Variants in PIP5K1A observed in about 807,000 individuals in gnomAD.
PIP5K1A encodes phosphatidylinositol-4-phosphate 5-kinase type 1 alpha.
In PIP5K1A, 46 loss-of-function variants were observed where a neutral mutation model predicts 72.9. The observed-to-expected ratio is 0.63, with a 90% confidence interval of 0.50 to 0.81. The LOEUF (loss-of-function observed/expected upper bound fraction) is 0.81. Among genes scored for constraint, PIP5K1A ranks in the 30% least tolerant of loss-of-function variants. The pLI, the probability that PIP5K1A is intolerant of heterozygous loss-of-function variation, is 0.00. For synonymous variants in PIP5K1A, 228 were observed against 255.1 expected, an observed-to-expected ratio of 0.89 and a Z score of 1.01; for missense variants, 458 against 706.1, an observed-to-expected ratio of 0.65 and a Z score of 3.98.
At chr1:151,224,637 A>C (rs1250154094) in intron 3 of PIP5K1A, among the ~76,000 whole-genome samples, 1 of 152,200 alleles carries the variant, frequency 6.6e-6, no homozygotes, top group Admixed American at 6.6e-5. Context: ...CATAGTTACT[A>C]AGTGGGATTA....
intron 1 of PIP5K1A, among the ~76,000 whole-genome samples, chr1:151,219,879 T>TG (rs1396975147): frequency 9.3e-5 from 12 of 129,216 alleles, no homozygotes; most frequent in South Asian, 2.4e-4. Flanking sequence ...TTTGCCGAGA[T>TG]GGGGTCTCCC....
intron 1 of PIP5K1A, among the ~76,000 whole-genome samples, chr1:151,203,759 G>C (rs1374325904): frequency 3.3e-5 from 5 of 151,692 alleles, no homozygotes; most frequent in African/African-American, 4.8e-5. Context: ...AGGAGGCGCG[G>C]GTTGCAGTGA....
At chr1:151,222,894 C>A (rs904844251) in intron 1 of PIP5K1A, among the ~76,000 whole-genome samples, 2 of 152,134 alleles carry the variant, frequency 1.3e-5, no homozygotes, top group Admixed American at 6.6e-5. Context: ...AAAATTAAAC[C>A]TTGCTGTGAG....
intron 1 of PIP5K1A, among the ~76,000 whole-genome samples, chr1:151,223,720 G>A (rs111362625): frequency 7.2e-5 from 11 of 151,936 alleles, no homozygotes; most frequent in African/African-American, 2.4e-4. Context: ...AGGTGCGGTG[G>A]CTCTTGCTTG....
chr1:151,244,812 AC>A (rs1692262390), intron 14 of PIP5K1A, among the ~76,000 whole-genome samples: 1 of 152,208 alleles, frequency 6.6e-6, no homozygotes, highest in East Asian at 1.9e-4. Flanking sequence ...GGATGACTAT[AC>A]TCTGAACCAA....
Position 151,234,314 on chromosome 1 carries a change from A to G in PIP5K1A, c.757A>G (p.Lys253Glu). ...GAACAATCTTTTACCAAGATCGGTA[A>G]AAATGCATATCAAATATGACCTCAA... ...VMNNLLPRSV[K>E]MHIKYDLKGS... is the part of the protein sequence containing the mutation. The change falls in exon 8 of 16, where the codon AAA (lysine) becomes GAA (glutamate). Residue 253 changes from lysine to glutamate, a missense_variant. Physicochemically the swap from Lys to Glu is moderately conservative, Grantham distance 56. Transcript: ENST00000368888. 6.2e-7 allele frequency: 1 copy of G among 1,614,088 alleles called. No homozygotes were observed. The highest frequency in any genetic ancestry group is 1.6e-4 in the Middle Eastern group (1 of 6,062).
intron 14 of PIP5K1A, among the ~76,000 whole-genome samples, chr1:151,244,740 G>C (rs1692249259): frequency 1.3e-5 from 2 of 152,182 alleles, no homozygotes; most frequent in Admixed American, 1.3e-4. Context: ...TAAGGGACTT[G>C]TGCATTGTGG....
At chr1:151,199,163 G>T (rs773779104) in intron 1 of PIP5K1A, 82 bp downstream of exon 1, 27 of 1,606,012 alleles carry the variant, frequency 1.7e-5, no homozygotes, top group Non-Finnish European at 2.1e-5. Flanking sequence ...GGTACCTGTA[G>T]CTGGGAATGT....
At chr1:151,217,049 A>ATT (rs1234394742) in intron 1 of PIP5K1A, among the ~76,000 whole-genome samples, 1 of 151,962 alleles carries the variant, frequency 6.6e-6, no homozygotes, top group Non-Finnish European at 1.5e-5. Flanking sequence ...AGTAGCTGTG[A>ATT]CTACAGGTGC....
At chr1:151,235,240 G>A (rs587646956) in intron 8 of PIP5K1A, among the ~76,000 whole-genome samples, 1 of 152,112 alleles carries the variant, frequency 6.6e-6, no homozygotes, top group African/African-American at 2.4e-5. Context: ...CCATCACCAC[G>A]CCTGGGTCGT....
intron 1 of PIP5K1A, among the ~76,000 whole-genome samples, chr1:151,210,073 G>A (rs374300455): frequency 6.6e-6 from 1 of 151,856 alleles, no homozygotes; most frequent in East Asian, 1.9e-4. Context: ...CAGTAGAGAC[G>A]GGGTTTTGCC....
Position 151,236,683 on chromosome 1 carries a change from C to A in PIP5K1A, c.1065C>A (p.Pro355=), listed in dbSNP as rs372356635. The change falls in exon 9 of 16, where the codon CCC becomes CCA. Residue 355 remains proline (P), a synonymous_variant. Coordinates refer to ENST00000368888, the MANE Select transcript of PIP5K1A (RefSeq NM_001135638.2). ...QYSVDTRRPA[P]QKALYSTAME... ...CAGTTGATACTCGAAGACCGGCCCC[C>A]CAAAAGGCTCTGTATTCCACAGCCA... 2.5e-6 allele frequency: 4 copies of A among 1,613,996 alleles called. No individual in the cohort carries two copies. The Admixed American group carries it at 5.0e-5, about 20-fold the overall frequency.
At position 151,215,604 on chromosome 1, in the gene PIP5K1A, G is replaced by A. The variant is rs181595843; in HGVS notation, c.86-8641G>A. On this transcript the variant is annotated intron_variant, in intron 1 of 15. Coordinates refer to ENST00000368888, the MANE Select transcript of PIP5K1A (RefSeq NM_001135638.2). ...GCCTCCCAAAGTGCTGGGATTACAA[G>A]TTTGAGCCTCTGCGCCCGGCATTCT... Among the ~76,000 whole-genome samples, 189 of 152,302 alleles carry A rather than the reference G, an allele frequency of 1.2e-3. 3 individuals are homozygous for A. The highest frequency in any genetic ancestry group is 0.012 in the Admixed American group (179 of 15,284).
chr1:151,208,934 G>T (rs367998129), intron 1 of PIP5K1A, among the ~76,000 whole-genome samples: 1 of 149,950 alleles, frequency 6.7e-6, no homozygotes, highest in Non-Finnish European at 1.5e-5. Flanking sequence ...GTGTTTCACC[G>T]TGTTAGCCAG....
At chr1:151,199,177 A>T (rs1192445048) in intron 1 of PIP5K1A, 96 bp downstream of exon 1, 1 of 1,590,900 alleles carries the variant, frequency 6.3e-7, no homozygotes, top group Non-Finnish European at 8.5e-7. Flanking sequence ...GGAATGTCCT[A>T]CGTGTTACCG....
At chr1:151,247,683 C>G (rs1308332707) in intron 15 of PIP5K1A, among the ~76,000 whole-genome samples, 180 bp from the exon 16 acceptor site, 1 of 152,196 alleles carries the variant, frequency 6.6e-6, no homozygotes, top group Non-Finnish European at 1.5e-5. Flanking sequence ...CTGGGCCTCC[C>G]AAAGTGCTGG....
At chr1:151,225,402 C>T (rs1358643430) in intron 3 of PIP5K1A, among the ~76,000 whole-genome samples, 1 of 151,578 alleles carries the variant, frequency 6.6e-6, no homozygotes, top group Non-Finnish European at 1.5e-5. Flanking sequence ...AACTTCATGT[C>T]TGTTGCTCTG....
At chr1:151,197,737 A>C (rs1448545923), upstream of PIP5K1A, among the ~76,000 whole-genome samples, 1 of 152,214 alleles carries the variant, frequency 6.6e-6, no homozygotes, top group Admixed American at 6.5e-5. Context: ...GAGGAGCTGG[A>C]GATACAAGAG....
chr1:151,239,530 C>G (rs769810294), intron 11 of PIP5K1A, among the ~76,000 whole-genome samples: 62 of 151,368 alleles, frequency 4.1e-4, no homozygotes, highest in Admixed American at 2.0e-4. Flanking sequence ...ACCTTGGCCT[C>G]CCAAAGTGCT....
Sources: allele counts gnomAD v4.1 joint callset (sites outside exome capture counted in the v4.1 genomes callset), GRCh38; gene constraint gnomAD v4.1.1; transcripts MANE v1.5; gene names NCBI Gene and HGNC (gene_info 2026-07-23, HGNC 2026-07-21).